TLR5: variants seen among roughly 807,000 people sequenced by gnomAD.
TLR5 encodes the protein toll like receptor 5, also known as toll-like receptor 5.
For missense variants in TLR5, 944 were observed against 999.8 expected (o/e 0.94, Z 0.75); for synonymous variants, 373 against 384.4 (o/e 0.97, Z 0.35).
At chr1:223,126,671 G>A (rs888281234) in intron 5 of TLR5, among the ~76,000 whole-genome samples, 10 of 152,188 alleles carry the variant, frequency 6.6e-5, no homozygotes, top group African/African-American at 2.4e-4. Flanking sequence ...CATGCTCTGA[G>A]AAGTGTTGGT....
Position 223,137,534 on chromosome 1 carries a change from C to A in TLR5, c.-438-271G>T, listed in dbSNP as rs1558134312. Among the ~76,000 whole-genome samples, 4 of 152,322 alleles carry A rather than the reference C, an allele frequency of 2.6e-5. No homozygotes were observed. In the East Asian group the frequency reaches 7.7e-4, roughly 29 times the overall value. On this transcript the variant is annotated intron_variant, in intron 2 of 5. Coordinates refer to ENST00000642603, the MANE Select transcript of TLR5 (RefSeq NM_003268.6). ...TGTTTGGAAGCATTTGAGGGAGTCT[C>A]ATTACAGGCCAGTGAAGTGAGAACC...
rs376449129 is a variant in TLR5, at chr1:223,117,393, C to T, written c.-4-4358G>A. Among the ~76,000 whole-genome samples the T allele has an allele frequency of 7.9e-5, 12 of 151,936 alleles. No homozygotes were observed. The South Asian group carries it at 1.0e-3, about 13-fold the overall frequency. ...CCAGAGAGGGCCTCCCACAGTGCAC[C>T]GGTGGGCTGAAGGGCTCCTCAAGCA... On this transcript the variant is annotated intron_variant, in intron 5 of 5. Transcript: ENST00000642603.
intron 5 of TLR5, among the ~76,000 whole-genome samples, chr1:223,125,151 C>T (rs1008791465): frequency 6.6e-6 from 1 of 152,126 alleles, no homozygotes; most frequent in African/African-American, 2.4e-5. Flanking sequence ...TATTATTCTC[C>T]AGCATATCAA....
chr1:223,114,639 C>T (rs1640841), intron 5 of TLR5, among the ~76,000 whole-genome samples: 6,140 of 152,116 alleles, frequency 0.04, 414 homozygotes, highest in African/African-American at 0.14. Context: ...GGTGGGGTTT[C>T]CACAGAAACT....
intron 2 of TLR5, among the ~76,000 whole-genome samples, chr1:223,140,520 C>T (rs1349753327): frequency 6.9e-6 from 1 of 144,526 alleles, no homozygotes; most frequent in Non-Finnish European, 1.5e-5. Context: ...GCACTCCAGC[C>T]TAGGTGACAG....
chr1:223,117,001 C>T (rs374912073), intron 5 of TLR5, among the ~76,000 whole-genome samples: 16 of 152,166 alleles, frequency 1.1e-4, no homozygotes, highest in African/African-American at 1.7e-4. Flanking sequence ...GACCGGGCGC[C>T]GTGGAGCAGG....
At chr1:223,122,988 T>C (rs1043165628) in intron 5 of TLR5, among the ~76,000 whole-genome samples, 2 of 152,236 alleles carry the variant, frequency 1.3e-5, no homozygotes, top group Non-Finnish European at 2.9e-5. Context: ...ACACAGACCG[T>C]AGTTTGCTGA....
chr1:223,111,990 G>A lies in TLR5; in HGVS notation c.1042C>T (p.Leu348=). Residue 348 remains leucine, a synonymous_variant, in exon 6 of 6, where the codon CTG becomes TTG. Transcript: ENST00000642603. The part of the protein sequence containing the change: ...LQVLNLSYNL[L]GELYSSNFYG... ...AAATTCGAACTGTAAAGTTCCCCCA[G>A]AAGGTTATATGACAAATTGAGAACT... 6.2e-7 allele frequency: 1 copy of A among 1,614,204 alleles called. No individual in the cohort carries two copies. The highest frequency in any genetic ancestry group is 1.1e-5 in the South Asian group (1 of 91,078).
At position 223,132,546 on chromosome 1, in the gene TLR5, G is replaced by T. The variant is rs1429197045; in HGVS notation, c.-76C>A. On this transcript the variant is annotated 5_prime_UTR_variant, in exon 5 of 6. Transcript: ENST00000642603. ...GGCAGAGGGTCCCTGGTTGTTTAAAGACTTCAGTTCCTGAGACTATAGGAA... is the reference window on the plus strand; with the variant it reads ...GGCAGAGGGTCCCTGGTTGTTTAAATACTTCAGTTCCTGAGACTATAGGAA... 1.3e-5 allele frequency: 2 copies of T among 152,236 alleles called. No homozygotes were observed. Among genetic ancestry groups the T allele is most frequent in the African/African-American group, 4.8e-5 (2 of 41,414 alleles). 9.4% of individuals were successfully genotyped at this position (152,236 alleles called of 1,614,324 possible).
Position 223,112,947 on chromosome 1 carries a change from G to T in TLR5, c.85C>A (p.Arg29=), listed in dbSNP as rs200942023. The T allele has an allele frequency of 1.2e-6, 2 of 1,614,136 alleles. No individual in the cohort carries two copies. The highest frequency in any genetic ancestry group is 1.7e-6 in the Non-Finnish European group (2 of 1,180,030). The change falls in exon 6 of 6, where the codon CGA becomes AGA. Residue 29 remains arginine (R), a synonymous_variant. Transcript: ENST00000642603. ...FGIPSCSFDG[R]IAFYRFCNLT... The stretch of plus-strand genomic sequence containing the variant: ...TTGCAGAAACGATAAAAGGCTATTC[G>T]GCCATCAAAGGAGCAGGAAGGAATT...
Position 223,111,480 on chromosome 1 carries a change from G to C in TLR5, c.1552C>G (p.Pro518Ala). The C allele has an allele frequency of 1.2e-6, 2 of 1,614,166 alleles. No homozygotes were observed. The highest frequency in any genetic ancestry group is 1.1e-5 in the South Asian group (1 of 91,084). The change falls in exon 6 of 6, where the codon CCA becomes GCA. Residue 518 changes from proline to alanine, a missense_variant. Physicochemically the swap from Pro to Ala is conservative, Grantham distance 27 (BLOSUM62 -1). Transcript: ENST00000642603. Reference protein sequence around the residue: ...YLNHNYLNSLPPGVFSHLTAL... With the variant: ...YLNHNYLNSLAPGVFSHLTAL... Reference sequence around the variant, plus strand: ...GTCAGATGGCTAAATACTCCTGGTGGAAGGGAATTAAGATAGTTATGATTC... The same window carrying C: ...GTCAGATGGCTAAATACTCCTGGTGCAAGGGAATTAAGATAGTTATGATTC...
rs1455750942 is a variant in TLR5, at chr1:223,109,633, C to G, written c.*822G>C. On this transcript the variant is annotated 3_prime_UTR_variant, in exon 6 of 6. Coordinates refer to ENST00000642603, the MANE Select transcript of TLR5 (RefSeq NM_003268.6). Reference sequence around the variant, plus strand: ...AGGTCCAGCAAGGGCATACCAAGGCCAAGGTTACATGGCTAATACACAGCT... The same window carrying G: ...AGGTCCAGCAAGGGCATACCAAGGCGAAGGTTACATGGCTAATACACAGCT... 1 of 152,154 alleles carries G rather than the reference C, an allele frequency of 6.6e-6. No homozygotes were observed. The highest frequency in any genetic ancestry group is 1.5e-5 in the Non-Finnish European group (1 of 68,052). 9.4% of individuals were successfully genotyped at this position (152,154 alleles called of 1,614,324 possible).
In TLR5 at chr1:223,110,409, G is replaced by A. The variant is rs1259359261; in HGVS notation, c.*46C>T. The A allele has an allele frequency of 3.7e-6, 6 of 1,601,692 alleles. No homozygotes were observed. Among genetic ancestry groups the A allele is most frequent in the African/African-American group, 1.3e-5 (1 of 74,660 alleles). On this transcript the variant is annotated 3_prime_UTR_variant, in exon 6 of 6. Transcript: ENST00000642603. ...TGATAACTTGGTGCAAATACAAAGT[G>A]AAGAGTTATTTGTGGCTTGAGATAA...
intron 5 of TLR5, among the ~76,000 whole-genome samples, chr1:223,116,955 T>A (rs1043598277): frequency 6.6e-6 from 1 of 152,138 alleles, no homozygotes; most frequent in Non-Finnish European, 1.5e-5. Flanking sequence ...TCCCACCCCA[T>A]GCGCCTGTGC....
At chr1:223,130,712 T>C (rs1657365944) in intron 5 of TLR5, among the ~76,000 whole-genome samples, 1 of 152,228 alleles carries the variant, frequency 6.6e-6, no homozygotes, top group African/African-American at 2.4e-5. Context: ...GAACAGAGCT[T>C]GAAAAATCAT....
chr1:223,116,703 A>G (rs538729272), intron 5 of TLR5, among the ~76,000 whole-genome samples: 6 of 152,048 alleles, frequency 3.9e-5, no homozygotes, highest in Non-Finnish European at 7.4e-5. Flanking sequence ...GGTCTGTTTT[A>G]CAAAGAGCTG....
At chr1:223,135,222 A>T (rs943971983) in intron 3 of TLR5, among the ~76,000 whole-genome samples, 1 of 152,138 alleles carries the variant, frequency 6.6e-6, no homozygotes, top group African/African-American at 2.4e-5. Context: ...CCCTGAGAGG[A>T]AGATGATTTC....
At position 223,132,474 on chromosome 1, in the gene TLR5, C is replaced by T. The variant is rs1657435145; in HGVS notation, c.-5+1G>A. ...GACACATTTTTACCAGAAGCACTTA[C>T]CTCGTTGTCCTAGCAGAAGGGACTT... On this transcript the variant is annotated splice_donor_variant, in intron 5 of 5. Transcript: ENST00000642603. LOFTEE classifies it low-confidence loss of function (5UTR_SPLICE). 6.6e-6 allele frequency: 1 copy of T among 152,236 alleles called. No individual in the cohort carries two copies. The highest frequency in any genetic ancestry group is 6.6e-5 in the Admixed American group (1 of 15,262). The allele number at this position is 152,236 out of a possible 1,614,324, so 9.4% of individuals were successfully genotyped here.
At chr1:223,124,075 C>T (rs1657058508) in intron 5 of TLR5, among the ~76,000 whole-genome samples, 1 of 152,174 alleles carries the variant, frequency 6.6e-6, no homozygotes, top group African/African-American at 2.4e-5. Flanking sequence ...CAAAATCACA[C>T]AATAAAAACC....
Sources: gnomAD v4.1 joint callset for allele counts (sites outside exome capture counted in the v4.1 genomes callset) on GRCh38, gnomAD v4.1.1 for gene constraint, MANE v1.5 for transcripts, NCBI Gene and HGNC (gene_info 2026-07-23, HGNC 2026-07-21) for gene names.